Variants in MEGF11 observed in about 807,000 individuals in gnomAD.
MEGF11 encodes the protein multiple EGF like domains 11.
In MEGF11, 126 loss-of-function variants were observed where a neutral mutation model predicts 146.6. The ratio of observed to expected loss-of-function variants is 0.86; its 90% CI spans 0.74 to 1.00. MEGF11 has a LOEUF of 1.00. MEGF11 is among the 50% of genes least tolerant of loss of function. The pLI, the probability that MEGF11 is intolerant of heterozygous loss-of-function variation, is 0.00. For synonymous variants in MEGF11, 532 were observed against 583.4 expected (o/e 0.91, Z 1.27); for missense variants, 1,509 against 1,521.2 (o/e 0.99, Z 0.13).
intron 4 of MEGF11, among the ~76,000 whole-genome samples, chr15:66,114,367 C>T (rs2087608265): frequency 6.6e-6 from 1 of 152,158 alleles, no homozygotes; most frequent in African/African-American, 2.4e-5. Context: ...TTAGCTAGCC[C>T]ACGGCGGACA....
At chr15:65,910,827 A>G (rs945002540) in intron 21 of MEGF11, among the ~76,000 whole-genome samples, 2 of 152,124 alleles carry the variant, frequency 1.3e-5, no homozygotes, top group African/African-American at 4.8e-5. Flanking sequence ...TTGTCCCTGA[A>G]TGGATATTAT....
In MEGF11 at chr15:65,970,643, T is replaced by G. The variant is rs1302110932; in HGVS notation, c.809A>C (p.Asn270Thr). 1.2e-6 allele frequency: 2 copies of G among 1,613,404 alleles called. No individual in the cohort carries two copies. The highest frequency in any genetic ancestry group is 1.7e-6 in the Non-Finnish European group (2 of 1,179,686). The change falls in exon 8 of 26, where the codon AAC becomes ACC. Residue 270 changes from asparagine (N) to threonine (T), a missense_variant. Transcript: ENST00000395614. The stretch of plus-strand genomic sequence containing the variant: ...GTGGCAAGGACAATCCTGGCTGCAG[T>G]TCTGGCCAAATGTCCCTGGTGGGCA... ...QPCPPGTFGQNCSQDCPCHHG... is the reference protein window; with the variant it reads ...QPCPPGTFGQTCSQDCPCHHG...
chr15:66,045,174 A>G (rs963210832), intron 5 of MEGF11, among the ~76,000 whole-genome samples: 10 of 152,236 alleles, frequency 6.6e-5, no homozygotes, highest in Non-Finnish European at 8.8e-5. Flanking sequence ...GTTGGCCTTC[A>G]TGAGAGATTC....
At chr15:66,118,388 C>T (rs1009808959) in intron 4 of MEGF11, among the ~76,000 whole-genome samples, 1 of 152,234 alleles carries the variant, frequency 6.6e-6, no homozygotes, top group African/African-American at 2.4e-5. Flanking sequence ...CACTGCTCTT[C>T]TCCCAGAGGG....
In MEGF11 at chr15:66,162,698, C is replaced by T. The variant is rs571221690; in HGVS notation, c.-8-34287G>A. Among the ~76,000 whole-genome samples the T allele has an allele frequency of 2.0e-4, 31 of 152,232 alleles. No homozygotes were observed. In the South Asian group the frequency reaches 5.6e-3, roughly 28 times the overall value. ...AGCCTTCTAGGATGATAAAAATGTC[C>T]TGTATCTTGGTCTGGGTGGGGCCAC... On this transcript the variant is annotated intron_variant, in intron 1 of 25. Coordinates refer to ENST00000395614, the MANE Select transcript of MEGF11 (RefSeq NM_001385028.1).
chr15:65,953,720 A>G (rs548341222), intron 10 of MEGF11, among the ~76,000 whole-genome samples: 2 of 152,014 alleles, frequency 1.3e-5, no homozygotes, highest in Admixed American at 6.5e-5. Context: ...TCCACTTCCA[A>G]TGTCCTGGGA....
chr15:66,200,441 T>C (rs1213243653), intron 1 of MEGF11, among the ~76,000 whole-genome samples: 1 of 152,236 alleles, frequency 6.6e-6, no homozygotes, highest in African/African-American at 2.4e-5. Flanking sequence ...CTTGTAAGAC[T>C]CTCTAGGGGA....
At chr15:66,042,914 T>C (rs1289106480) in intron 5 of MEGF11, among the ~76,000 whole-genome samples, 1 of 152,106 alleles carries the variant, frequency 6.6e-6, no homozygotes, top group Non-Finnish European at 1.5e-5. Flanking sequence ...ATAAGGTCGG[T>C]CACATTCAGG....
intron 5 of MEGF11, 31 bp downstream of exon 5, chr15:66,094,371 G>T: frequency 6.5e-7 from 1 of 1,534,430 alleles, no homozygotes; most frequent in Non-Finnish European, 8.8e-7. Context: ...CAGAGCCAGG[G>T]TGCCTCCTGA....
chr15:65,896,975 AT>A lies in MEGF11; in HGVS notation c.*958del. On this transcript the variant is annotated 3_prime_UTR_variant, in exon 26 of 26. Coordinates refer to ENST00000395614, the MANE Select transcript of MEGF11 (RefSeq NM_001385028.1). ...GGTTTCATACTACGTCAATCTCAAG[AT>A]TTATGAAGAACTTGAAAGCAAGTAC... 6.6e-6 allele frequency: 1 copy of A among 152,274 alleles called. No individual in the cohort carries two copies. Among genetic ancestry groups the A allele is most frequent in the East Asian group, 1.9e-4 (1 of 5,194 alleles). The allele number at this position is 152,274 out of a possible 1,614,324, so 9.4% of individuals were successfully genotyped here.
At chr15:65,905,744 G>A (rs562905391) in intron 24 of MEGF11, 1 of 194,086 alleles carries the variant, frequency 5.2e-6, no homozygotes, top group African/African-American at 2.3e-5. Context: ...GGGGCAGGTA[G>A]ATCAACTTTA....
chr15:65,964,858 C>T (rs2080999293), intron 9 of MEGF11, 50 bp downstream of exon 9: 1 of 1,488,964 alleles, frequency 6.7e-7, no homozygotes, highest in East Asian at 2.5e-5. Context: ...CTCCTCTCTA[C>T]CTGAGCACCC....
chr15:66,122,796 TGA>T (rs367941640), intron 3 of MEGF11, among the ~76,000 whole-genome samples: 18 of 152,308 alleles, frequency 1.2e-4, no homozygotes, highest in South Asian at 6.2e-4. Flanking sequence ...TTTGTTTTTT[TGA>T]GAGAGAGTCT....
intron 5 of MEGF11, among the ~76,000 whole-genome samples, chr15:66,090,582 C>T (rs534120924): frequency 6.6e-6 from 1 of 152,332 alleles, no homozygotes; most frequent in Admixed American, 6.5e-5. Flanking sequence ...ATGTCACACA[C>T]AACATACTCA....
In MEGF11 at chr15:66,088,948, A is replaced by G. The variant is rs529306350; in HGVS notation, c.394+5454T>C. On this transcript the variant is annotated intron_variant, in intron 5 of 25. Coordinates refer to ENST00000395614, the MANE Select transcript of MEGF11 (RefSeq NM_001385028.1). ...TTTGCACAACAATGTGAATGTACCA[A>G]TGTTACCAAATTGCACATTTAAAAA... Among the ~76,000 whole-genome samples, 5 of 152,338 alleles carry G rather than the reference A, an allele frequency of 3.3e-5. No homozygotes were observed. The South Asian group carries it at 1.0e-3, about 32-fold the overall frequency.
chr15:65,967,399 C>G (rs73481613), intron 8 of MEGF11, among the ~76,000 whole-genome samples: 4 of 152,008 alleles, frequency 2.6e-5, no homozygotes, highest in Non-Finnish European at 4.4e-5. Flanking sequence ...ATTTTCCAGG[C>G]TTTCTGTATA....
At chr15:65,955,779 T>TATATAG (rs2080586768) in intron 10 of MEGF11, among the ~76,000 whole-genome samples, 2 of 10,224 alleles carry the variant, frequency 2.0e-4, no homozygotes, top group South Asian at 0.011. Flanking sequence ...TATATATATA[T>TATATAG]ATATATATAT....
intron 1 of MEGF11, among the ~76,000 whole-genome samples, chr15:66,198,322 C>T (rs982150568): frequency 1.3e-5 from 2 of 152,328 alleles, no homozygotes; most frequent in Admixed American, 1.3e-4. Flanking sequence ...TTTCTTTATA[C>T]TCAGACACTT....
intron 5 of MEGF11, among the ~76,000 whole-genome samples, chr15:66,029,437 T>A (rs1034658451): frequency 6.6e-6 from 1 of 152,216 alleles, no homozygotes; most frequent in African/African-American, 2.4e-5. Context: ...CCTGTGTGCC[T>A]GAGACAGTCC....
Sources: allele counts gnomAD v4.1 joint callset (sites outside exome capture counted in the v4.1 genomes callset), GRCh38; gene constraint gnomAD v4.1.1; transcripts MANE v1.5; gene names NCBI Gene and HGNC (gene_info 2026-07-23, HGNC 2026-07-21).